Variants in RBM20 observed in about 807,000 individuals in gnomAD.
RBM20 encodes the protein RNA-binding protein 20.
RBM20 carries 51 observed loss-of-function variants against 110.1 expected under a neutral mutation model. The observed-to-expected ratio is 0.46, with a 90% CI of 0.37 to 0.59. The LOEUF is 0.59. RBM20 is among the 20% of genes least tolerant of loss of function. RBM20 has a pLI of 0.00. For missense variants in RBM20, 1,512 were observed against 1,574.9 expected, an observed-to-expected ratio of 0.96 and a Z score of 0.68; for synonymous variants, 589 against 618.2, an observed-to-expected ratio of 0.95 and a Z score of 0.70.
chr10:110,784,749 T>TA, intron 4 of RBM20, 43 bp from the exon 5 acceptor site: 1 of 1,282,368 alleles, frequency 7.8e-7, no homozygotes. Flanking sequence ...CTTTTGATGT[T>TA]ACATTCTGGG....
At position 110,670,642 on chromosome 10, in the gene RBM20, G is replaced by A. The variant is rs576750377; in HGVS notation, c.191+25997G>A. Among the ~76,000 whole-genome samples, 18 of 152,242 alleles carry A rather than the reference G, an allele frequency of 1.2e-4. No individual in the cohort carries two copies. In the South Asian group the frequency reaches 2.7e-3, roughly 23 times the overall value. Reference sequence around the variant, plus strand: ...TCCTTCCCTGGCAAGAGGGAGCCCCGCTCAGAGAACATTTAAATACCGTAG... The same window carrying A: ...TCCTTCCCTGGCAAGAGGGAGCCCCACTCAGAGAACATTTAAATACCGTAG... On this transcript the variant is annotated intron_variant, in intron 1 of 13. Coordinates refer to ENST00000369519, the MANE Select transcript of RBM20 (RefSeq NM_001134363.3).
intron 1 of RBM20, among the ~76,000 whole-genome samples, chr10:110,760,494 G>A (rs1422143974): frequency 1.1e-5 from 1 of 91,964 alleles, no homozygotes; most frequent in Admixed American, 1.4e-4. Context: ...GTACAGTGGC[G>A]TGATCTCAGG....
intron 1 of RBM20, among the ~76,000 whole-genome samples, chr10:110,726,046 T>C (rs1843557230): frequency 6.6e-6 from 1 of 151,910 alleles, no homozygotes; most frequent in Admixed American, 6.6e-5. Context: ...ACTCCTGCTT[T>C]ACCTCTCCCT....
chr10:110,781,227 C>G lies in RBM20; in HGVS notation c.618C>G (p.Thr206=). ...CTTTCACTGGGGTAATGCCTCAGAC[C>G]CCTGGCCAGCCAGCAGTCATCTTGG... is the stretch of plus-strand genomic sequence containing the variant. ...MHPFTGVMPQ[T]PGQPAVILGI... The change falls in exon 2 of 14, where the codon ACC becomes ACG. Residue 206 remains threonine, a synonymous_variant. Transcript: ENST00000369519. 1 of 1,551,660 alleles carries G rather than the reference C, an allele frequency of 6.4e-7. No individual in the cohort carries two copies. The highest frequency in any genetic ancestry group is 1.4e-5 in the African/African-American group (1 of 73,168).
At chr10:110,734,618 C>CATTTTTTTTTTT (rs34824300) in intron 1 of RBM20, among the ~76,000 whole-genome samples, 3 of 136,532 alleles carry the variant, frequency 2.2e-5, no homozygotes, top group Non-Finnish European at 1.6e-5. Context: ...AAAATTCCCT[C>CATTTTTTTTTTT]TTTTTTTTTT....
chr10:110,795,713 C>A (rs1044877514), intron 5 of RBM20, among the ~76,000 whole-genome samples: 1 of 152,212 alleles, frequency 6.6e-6, no homozygotes, highest in African/African-American at 2.4e-5. Context: ...GAATGTGTTT[C>A]AGGTTCGGAA....
Position 110,781,880 on chromosome 10 carries a change from T to C in RBM20, c.1271T>C (p.Leu424Ser), listed in dbSNP as rs1162586059. The C allele has an allele frequency of 6.4e-7, 1 of 1,551,720 alleles. No individual in the cohort carries two copies. Among genetic ancestry groups the C allele is most frequent in the Admixed American group, 2.0e-5 (1 of 51,006 alleles). Residue 424 changes from leucine (L) to serine (S), a missense_variant, in exon 2 of 14, where the codon TTG becomes TCG. Around this residue, in one of 3 missense-constraint regions of RBM20, gnomAD observed 1,149 missense variants for 1,169.4 expected, o/e 0.98. Transcript: ENST00000369519. The stretch of plus-strand genomic sequence containing the variant: ...ATCTGTGACAAGAAGGTGTTTGATT[T>C]GAAGGTGAGTTGTCCAAGACAGGCT... The part of the protein sequence containing the change: ...CSICDKKVFD[L>S]KDWELHVKGK...
rs397516602 is a variant in RBM20, at chr10:110,812,730, C to A, written c.2333C>A (p.Ala778Asp). ...AAGTATCTGAAGCAGCAGCAGGATG[C>A]CCCCGGGAGGTCCAGGAGGAAAGAC... The part of the protein sequence containing the change: ...SDKYLKQQQD[A>D]PGRSRRKDEA... Residue 778 changes from alanine to aspartate, a missense_variant, in exon 9 of 14, where the codon GCC becomes GAC. Physicochemically the swap from Ala to Asp is moderately radical, Grantham distance 126. This residue lies in a region of RBM20 where 1,149 missense variants were observed against 1,169.4 expected (regional missense o/e 0.98). Transcript: ENST00000369519. The A allele has an allele frequency of 6.4e-7, 1 of 1,551,688 alleles. No homozygotes were observed. Among genetic ancestry groups the A allele is most frequent in the Admixed American group, 2.0e-5 (1 of 51,012 alleles).
chr10:110,665,090 T>C (rs1053795253), intron 1 of RBM20, among the ~76,000 whole-genome samples: 2 of 152,154 alleles, frequency 1.3e-5, no homozygotes, highest in Admixed American at 1.3e-4. Context: ...TTGCCCAAGC[T>C]TGTCTCAAGC....
chr10:110,644,754 T>G lies in RBM20; in HGVS notation c.191+109T>G. ...CCTGCTGAACTTCGCTCGCCCCCCTTGGGTTTGAAGTTTTCTCGTACCCCC... is the reference window on the plus strand; with the variant it reads ...CCTGCTGAACTTCGCTCGCCCCCCTGGGGTTTGAAGTTTTCTCGTACCCCC... On this transcript the variant is annotated intron_variant, in intron 1 of 13. Transcript: ENST00000369519. This position sits in a 1 kb window ranked among gnomAD's most constrained non-coding sequence, Gnocchi z 4.3. 1 of 875,118 alleles carries G rather than the reference T, an allele frequency of 1.1e-6. No individual in the cohort carries two copies. Among genetic ancestry groups the G allele is most frequent in the Non-Finnish European group, 1.6e-6 (1 of 610,720 alleles). 54.2% of individuals were successfully genotyped at this position (875,118 alleles called of 1,614,324 possible). A position where few individuals can be genotyped will look rare whatever the true frequency, so the allele number is the denominator to read the frequency against.
At chr10:110,685,584 A>G (rs773460627) in intron 1 of RBM20, among the ~76,000 whole-genome samples, 9 of 152,122 alleles carry the variant, frequency 5.9e-5, no homozygotes, top group Non-Finnish European at 1.2e-4. Flanking sequence ...AAGCAGAGAG[A>G]CCTTTGGGAG....
At chr10:110,704,048 G>A (rs1278753915) in intron 1 of RBM20, among the ~76,000 whole-genome samples, 1 of 152,204 alleles carries the variant, frequency 6.6e-6, no homozygotes. Flanking sequence ...CAAAGTGGAG[G>A]TTGCAGTAAG....
At chr10:110,684,725 C>T (rs913933571) in intron 1 of RBM20, among the ~76,000 whole-genome samples, 2 of 151,986 alleles carry the variant, frequency 1.3e-5, no homozygotes, top group African/African-American at 4.8e-5. Context: ...TCCATTGCAG[C>T]ACTGGATGAA....
At chr10:110,749,223 T>G (rs1455537261) in intron 1 of RBM20, among the ~76,000 whole-genome samples, 1 of 152,216 alleles carries the variant, frequency 6.6e-6, no homozygotes, top group Non-Finnish European at 1.5e-5. Flanking sequence ...AGACAAATTA[T>G]TGTTATGTGG....
intron 12 of RBM20, among the ~76,000 whole-genome samples, chr10:110,826,893 A>G (rs1564666592): frequency 6.6e-6 from 1 of 152,108 alleles, no homozygotes; most frequent in Non-Finnish European, 1.5e-5. Context: ...GTGCCCGGCC[A>G]GTCTGTTTCT....
chr10:110,722,884 G>A (rs1281047612), intron 1 of RBM20, among the ~76,000 whole-genome samples: 6 of 152,166 alleles, frequency 3.9e-5, no homozygotes, highest in South Asian at 2.1e-4. Flanking sequence ...GGCTGAGGCA[G>A]GCAGATCACT....
chr10:110,704,407 G>T (rs2134899965), intron 1 of RBM20, among the ~76,000 whole-genome samples: 1 of 152,304 alleles, frequency 6.6e-6, no homozygotes, highest in Non-Finnish European at 1.5e-5. Flanking sequence ...TGGGAAAAAT[G>T]CCTAAAATGC....
At chr10:110,790,411 G>T (rs182988337) in intron 5 of RBM20, among the ~76,000 whole-genome samples, 296 of 152,340 alleles carry the variant, frequency 1.9e-3, no homozygotes, top group Non-Finnish European at 3.5e-3. Context: ...ACCTGGGTAG[G>T]TTTTGTTTTG....
chr10:110,787,239 G>A (rs532192833), intron 5 of RBM20, among the ~76,000 whole-genome samples: 2 of 152,346 alleles, frequency 1.3e-5, no homozygotes, highest in East Asian at 3.9e-4. Context: ...AACATCCCAT[G>A]CAGCTCTGCA....
Sources: allele counts gnomAD v4.1 joint callset (sites outside exome capture counted in the v4.1 genomes callset), GRCh38; gene constraint gnomAD v4.1.1; regional missense constraint gnomAD v4.1.1; non-coding constraint Gnocchi (gnomAD v3.1); transcripts MANE v1.5; gene names NCBI Gene and HGNC (gene_info 2026-07-23, HGNC 2026-07-21).